CNTNAP5: variants seen among roughly 807,000 people sequenced by gnomAD.
CNTNAP5 encodes contactin associated protein family member 5.
A neutral mutation model predicts 150.2 loss-of-function variants in CNTNAP5; 72 were observed. The ratio of observed to expected loss-of-function variants is 0.48; its 90% CI spans 0.40 to 0.58. The LOEUF is 0.58. Among genes scored for constraint, CNTNAP5 ranks in the 20% least tolerant of loss-of-function variants. The pLI, the probability that CNTNAP5 is intolerant of heterozygous loss-of-function variation, is 0.00. For missense variants in CNTNAP5, 1,636 were observed against 1,626.2 expected (o/e 1.01, Z -0.10); for synonymous variants, 672 against 619.8 (o/e 1.08, Z -1.25).
At chr2:124,795,826 G>A (rs1378891418) in intron 18 of CNTNAP5, among the ~76,000 whole-genome samples, 1 of 151,744 alleles carries the variant, frequency 6.6e-6, no homozygotes, top group African/African-American at 2.4e-5. Context: ...CCAGGTGTTT[G>A]TTTTTTTTAA....
intron 10 of CNTNAP5, among the ~76,000 whole-genome samples, chr2:124,555,615 A>G (rs1695735497): frequency 6.6e-6 from 1 of 152,226 alleles, no homozygotes; most frequent in Non-Finnish European, 1.5e-5. Context: ...GCTTGCAATG[A>G]TAACTAATAA....
intron 10 of CNTNAP5, among the ~76,000 whole-genome samples, chr2:124,539,571 A>T (rs1378176683): frequency 2.0e-5 from 3 of 152,176 alleles, no homozygotes; most frequent in Non-Finnish European, 2.9e-5. Flanking sequence ...TAGCTCCCCT[A>T]GTTGTCAAAT....
At chr2:124,909,740 C>T (rs1678613550) in intron 22 of CNTNAP5, among the ~76,000 whole-genome samples, 1 of 148,576 alleles carries the variant, frequency 6.7e-6, no homozygotes, top group South Asian at 2.2e-4. Context: ...TCTGATTTCT[C>T]ATTTTCCTTC....
chr2:124,434,553 C>T lies in CNTNAP5; in HGVS notation c.599C>T (p.Thr200Ile), dbSNP rs762010407. ...LYRFNQKLMS[T>I]LKDVISLKFK... The stretch of plus-strand genomic sequence containing the variant: ...AGGTTCAATCAGAAGTTGATGAGTA[C>T]TCTCAAAGATGTGATCTCCCTGAAG... Residue 200 changes from threonine (T) to isoleucine (I), a missense_variant, in exon 5 of 24, where the codon ACT becomes ATT. Physicochemically the swap from Thr to Ile is moderately conservative, Grantham distance 89. Coordinates refer to ENST00000682447, the MANE Select transcript of CNTNAP5 (RefSeq NM_001367498.1). The T allele has an allele frequency of 5.0e-6, 8 of 1,613,962 alleles. No individual in the cohort carries two copies. Among genetic ancestry groups the T allele is most frequent in the Non-Finnish European group, 6.8e-6 (8 of 1,179,824 alleles).
At chr2:124,730,780 G>C (rs1204484088) in intron 13 of CNTNAP5, among the ~76,000 whole-genome samples, 1 of 151,992 alleles carries the variant, frequency 6.6e-6, no homozygotes, top group Non-Finnish European at 1.5e-5. Context: ...TTATGGAATA[G>C]AAAATCCTCA....
intron 3 of CNTNAP5, among the ~76,000 whole-genome samples, chr2:124,399,787 C>G (rs964367068): frequency 6.6e-6 from 1 of 152,088 alleles, no homozygotes; most frequent in Non-Finnish European, 1.5e-5. Context: ...ATACTTCCAC[C>G]TCAAATAATT....
At chr2:124,675,354 A>C (rs1484695449) in intron 13 of CNTNAP5, among the ~76,000 whole-genome samples, 1 of 152,062 alleles carries the variant, frequency 6.6e-6, no homozygotes. Context: ...TTTGAATATG[A>C]TGTATATCTC....
chr2:124,786,384 A>AAAGAAAGG (rs1681578970), intron 17 of CNTNAP5, among the ~76,000 whole-genome samples: 1 of 91,032 alleles, frequency 1.1e-5, no homozygotes, highest in Non-Finnish European at 2.2e-5. Flanking sequence ...AGAAAGAAAG[A>AAAGAAAGG]AAGAAAGAAA....
chr2:124,663,714 G>A (rs148083094), intron 13 of CNTNAP5, among the ~76,000 whole-genome samples: 248 of 152,204 alleles, frequency 1.6e-3, no homozygotes, highest in African/African-American at 5.7e-3. Flanking sequence ...TTCTCAACAT[G>A]GAGACATGAT....
chr2:124,645,096 A>G (rs1472204587), intron 12 of CNTNAP5, among the ~76,000 whole-genome samples: 2 of 152,290 alleles, frequency 1.3e-5, no homozygotes, highest in South Asian at 2.1e-4. Flanking sequence ...TCCCTCTACA[A>G]TGTTTCATTA....
chr2:124,115,985 T>A (rs1683420457), intron 1 of CNTNAP5, among the ~76,000 whole-genome samples: 1 of 152,182 alleles, frequency 6.6e-6, no homozygotes, highest in African/African-American at 2.4e-5. Context: ...TAAAGCTCAA[T>A]GCTTGGCACT....
rs149151699 is a variant in CNTNAP5, at chr2:124,066,120, C to A, written c.82+40388C>A. On this transcript the variant is annotated intron_variant, in intron 1 of 23. Transcript: ENST00000682447. ...TAGCTGACACTGGGTATTGGTTCAG[C>A]AACATCTCTAACTGGGTGTGGGGTA... 7.1e-3 allele frequency among the ~76,000 whole-genome samples: 1,083 copies of A among 152,230 alleles called. 19 individuals are homozygous for A. Among genetic ancestry groups the A allele is most frequent in the African/African-American group, 0.025 (1,024 of 41,544 alleles).
At chr2:124,359,458 C>T (rs1410873928) in intron 3 of CNTNAP5, among the ~76,000 whole-genome samples, 2 of 151,846 alleles carry the variant, frequency 1.3e-5, no homozygotes, top group South Asian at 2.1e-4. Context: ...ATAAATTTCC[C>T]TCTACACACG....
chr2:124,704,483 T>C (rs1389745133), intron 13 of CNTNAP5, among the ~76,000 whole-genome samples: 1 of 148,024 alleles, frequency 6.8e-6, no homozygotes. Context: ...TTCCTGTCCA[T>C]TGGAAGGAAA....
At chr2:124,875,429 CT>C (rs1158993582) in intron 21 of CNTNAP5, among the ~76,000 whole-genome samples, 1 of 151,998 alleles carries the variant, frequency 6.6e-6, no homozygotes, top group African/African-American at 2.4e-5. Context: ...AGATGCTCAG[CT>C]TTTTGGAGAC....
At chr2:124,218,330 C>T (rs1188206392) in intron 1 of CNTNAP5, among the ~76,000 whole-genome samples, 7 of 152,140 alleles carry the variant, frequency 4.6e-5, no homozygotes, top group Admixed American at 2.6e-4. Context: ...GAGACTTGCT[C>T]TCTCTTCAAC....
intron 13 of CNTNAP5, among the ~76,000 whole-genome samples, chr2:124,719,527 G>C (rs900758110): frequency 6.6e-6 from 1 of 152,020 alleles, no homozygotes; most frequent in Non-Finnish European, 1.5e-5. Flanking sequence ...TAAAAAAAGG[G>C]GTTTTAAAAT....
At chr2:124,171,026 A>G (rs938249628) in intron 1 of CNTNAP5, among the ~76,000 whole-genome samples, 8 of 152,126 alleles carry the variant, frequency 5.3e-5, no homozygotes, top group Admixed American at 2.0e-4. Flanking sequence ...CCTGCCATGT[A>G]GGTTGATTTT....
Position 124,914,709 on chromosome 2 carries a change from A to C in CNTNAP5, c.*421A>C, listed in dbSNP as rs1030053355. 6.5e-6 allele frequency: 1 copy of C among 154,772 alleles called. No individual in the cohort carries two copies. The highest frequency in any genetic ancestry group is 1.4e-5 in the Non-Finnish European group (1 of 69,942). The allele number at this position is 154,772 out of a possible 1,614,324, so 9.6% of individuals were successfully genotyped here. On this transcript the variant is annotated 3_prime_UTR_variant, in exon 24 of 24. Transcript: ENST00000682447. ...CTGACATCCTCCCCAGCTCAAGTCTATTCTTACCATAGAACCCAGGGCAGG... is the reference window on the plus strand; with the variant it reads ...CTGACATCCTCCCCAGCTCAAGTCTCTTCTTACCATAGAACCCAGGGCAGG...
Sources: gnomAD v4.1 joint callset for allele counts (sites outside exome capture counted in the v4.1 genomes callset) on GRCh38, gnomAD v4.1.1 for gene constraint, MANE v1.5 for transcripts, NCBI Gene and HGNC (gene_info 2026-07-23, HGNC 2026-07-21) for gene names.